DIP2C: variants seen among roughly 807,000 people sequenced by gnomAD.
DIP2C encodes the protein DIP2 acetate--CoA ligase C (putative), also known as disco-interacting protein 2 homolog C.
A neutral mutation model predicts 192.4 loss-of-function variants in DIP2C; 33 were observed. The observed-to-expected ratio is 0.17, with a 90% CI of 0.13 to 0.23. The LOEUF is 0.23. Among genes scored for constraint, DIP2C ranks in the 10% least tolerant of loss-of-function variants. DIP2C has a pLI of 1.00. For missense variants in DIP2C, 1,537 were observed against 2,110.1 expected, an observed-to-expected ratio of 0.73 and a Z score of 5.32; for synonymous variants, 979 against 864.1, an observed-to-expected ratio of 1.13 and a Z score of -2.33.
chr10:534,416 C>T (rs1172304136), intron 1 of DIP2C, among the ~76,000 whole-genome samples: 2 of 152,196 alleles, frequency 1.3e-5, no homozygotes, highest in African/African-American at 4.8e-5. Flanking sequence ...CCAACCAGCC[C>T]CGACCTTCAT....
At chr10:550,192 T>C (rs978431875) in intron 1 of DIP2C, among the ~76,000 whole-genome samples, 1 of 152,056 alleles carries the variant, frequency 6.6e-6, no homozygotes, top group African/African-American at 2.4e-5. Context: ...GTACTTTTAG[T>C]AGAGACAGGA....
At chr10:586,657 A>C (rs1451071386) in intron 1 of DIP2C, among the ~76,000 whole-genome samples, 2 of 152,224 alleles carry the variant, frequency 1.3e-5, no homozygotes, top group African/African-American at 2.4e-5. Context: ...TTTTGTGAGG[A>C]AACTTTCACT....
Position 378,192 on chromosome 10 carries a change from A to G in DIP2C, c.1991+4455T>C, listed in dbSNP as rs150413721. On this transcript the variant is annotated intron_variant, in intron 17 of 36. Transcript: ENST00000280886. ...ATCGGGAGAAAAGAAAACACAAAAT[A>G]TAACAGGACAGTGACAGTTTTAAAG... Among the ~76,000 whole-genome samples the G allele has an allele frequency of 1.5e-3, 222 of 152,368 alleles. 1 individual carries two copies. Among genetic ancestry groups the G allele is most frequent in the African/African-American group, 4.8e-3 (201 of 41,600 alleles).
At chr10:613,779 A>G (rs1423614914) in intron 1 of DIP2C, among the ~76,000 whole-genome samples, 2 of 151,966 alleles carry the variant, frequency 1.3e-5, no homozygotes, top group African/African-American at 4.8e-5. Flanking sequence ...TCCCCCAGCC[A>G]CCCTCCTGAT....
chr10:291,286 G>A (rs559236475), intron 32 of DIP2C, among the ~76,000 whole-genome samples: 4 of 152,220 alleles, frequency 2.6e-5, no homozygotes, highest in Non-Finnish European at 5.9e-5. Flanking sequence ...TTGAAAACAC[G>A]GAAGATCATC....
At chr10:473,830 C>T (rs966567068) in intron 2 of DIP2C, among the ~76,000 whole-genome samples, 4 of 152,186 alleles carry the variant, frequency 2.6e-5, no homozygotes. Flanking sequence ...CCATGATGGG[C>T]TCTTATGAGA....
At chr10:485,337 G>A (rs1472358843) in intron 2 of DIP2C, among the ~76,000 whole-genome samples, 3 of 152,210 alleles carry the variant, frequency 2.0e-5, no homozygotes, top group Non-Finnish European at 4.4e-5. Flanking sequence ...GGGAGGGGGC[G>A]CAGGCCATCA....
intron 4 of DIP2C, among the ~76,000 whole-genome samples, chr10:425,858 A>C (rs1966564097): frequency 6.6e-6 from 1 of 152,248 alleles, no homozygotes; most frequent in South Asian, 2.1e-4. Context: ...AATAGAAGGC[A>C]ATTTCCTCAA....
chr10:508,357 T>C (rs561895767), intron 1 of DIP2C, among the ~76,000 whole-genome samples: 3 of 152,256 alleles, frequency 2.0e-5, no homozygotes, highest in African/African-American at 7.2e-5. Flanking sequence ...AGCCCCTCCA[T>C]GTGTGCCCTT....
At chr10:284,960 T>C (rs1955020120) in intron 34 of DIP2C, among the ~76,000 whole-genome samples, 1 of 152,206 alleles carries the variant, frequency 6.6e-6, no homozygotes, top group Non-Finnish European at 1.5e-5. Flanking sequence ...AAGAGAATTC[T>C]GACCCTGGCC....
intron 1 of DIP2C, among the ~76,000 whole-genome samples, chr10:598,315 T>G (rs1851839982): frequency 6.6e-6 from 1 of 152,084 alleles, no homozygotes; most frequent in Non-Finnish European, 1.5e-5. Context: ...CGAGGGCAGC[T>G]GCGATCACAT....
intron 2 of DIP2C, among the ~76,000 whole-genome samples, chr10:475,536 G>A (rs1970989684): frequency 6.6e-6 from 1 of 152,136 alleles, no homozygotes; most frequent in Admixed American, 6.5e-5. Context: ...GTTCCAGGCT[G>A]CTGCTCGGCT....
chr10:509,120 G>A (rs1005201093), intron 1 of DIP2C, among the ~76,000 whole-genome samples: 1 of 152,194 alleles, frequency 6.6e-6, no homozygotes, highest in Non-Finnish European at 1.5e-5. Flanking sequence ...TCCTGGCAAG[G>A]ACACTCACGA....
chr10:585,221 C>T (rs573789234), intron 1 of DIP2C, among the ~76,000 whole-genome samples: 49 of 152,328 alleles, frequency 3.2e-4, no homozygotes, highest in African/African-American at 1.1e-3. Flanking sequence ...CCACTGACTT[C>T]GTCAGAGCAA....
chr10:278,206 CCTCT>C (rs1203433812), intron 36 of DIP2C, among the ~76,000 whole-genome samples: 30 of 151,298 alleles, frequency 2.0e-4, no homozygotes, highest in Non-Finnish European at 3.4e-4. Flanking sequence ...GGTGCCTACT[CCTCT>C]CTGTCTGTGC....
In DIP2C at chr10:481,334, G is replaced by C. The variant is rs566541088; in HGVS notation, c.157+5125C>G. ...GCAAAATTCACAAATGCCAACTGCA[G>C]GGACCTCCTCCCTCACAACTGTCAA... On this transcript the variant is annotated intron_variant, in intron 2 of 36. Transcript: ENST00000280886. Among the ~76,000 whole-genome samples the C allele has an allele frequency of 2.6e-5, 4 of 152,332 alleles. No individual in the cohort carries two copies. In the South Asian group the frequency reaches 8.3e-4, roughly 32 times the overall value.
rs1831324084 is a variant in DIP2C, at chr10:686,045, AAGTATC to A, written c.85+3443_85+3448del. Among the ~76,000 whole-genome samples the A allele has an allele frequency of 2.0e-5, 3 of 152,230 alleles. No individual in the cohort carries two copies. In the South Asian group the frequency reaches 6.2e-4, roughly 32 times the overall value. On this transcript the variant is annotated intron_variant, in intron 1 of 36. Transcript: ENST00000280886. ...CCAATTTGTTTGGCAATTCCATGTA[AAGTATC>A]AGTTATTAATGAAATTATTTTTAGG...
chr10:369,467 T>C (rs1176542872), intron 18 of DIP2C, 27 bp downstream of exon 18: 1 of 1,501,442 alleles, frequency 6.7e-7, no homozygotes, highest in East Asian at 2.4e-5. Flanking sequence ...AACTGGTTAA[T>C]CTGTGCAGCT....
intron 1 of DIP2C, among the ~76,000 whole-genome samples, chr10:529,093 T>TCC (rs1490515608): frequency 2.0e-5 from 3 of 152,110 alleles, no homozygotes; most frequent in African/African-American, 7.2e-5. Flanking sequence ...GACTCGAGGC[T>TCC]CCCAGGAGTG....
Sources: gnomAD v4.1 joint callset for allele counts (sites outside exome capture counted in the v4.1 genomes callset) on GRCh38, gnomAD v4.1.1 for gene constraint, MANE v1.5 for transcripts, NCBI Gene and HGNC (gene_info 2026-07-23, HGNC 2026-07-21) for gene names.